The following MYO16 variants were observed in gnomAD, a reference collection of about 807,000 sequenced individuals.
MYO16 encodes the protein unconventional myosin-XVI.
Under a neutral mutation model 205.3 loss-of-function variants are expected in MYO16, and 94 were observed. The ratio of observed to expected loss-of-function variants is 0.46; its 90% CI spans 0.39 to 0.54. The LOEUF (loss-of-function observed/expected upper bound fraction) is 0.54. Among genes scored for constraint, MYO16 ranks in the 20% least tolerant of loss-of-function variants. The pLI, the probability that MYO16 is intolerant of heterozygous loss-of-function variation, is 0.00. For missense variants in MYO16, 2,315 were observed against 2,387.5 expected (o/e 0.97, Z 0.63); for synonymous variants, 988 against 954.0 (o/e 1.04, Z -0.66).
At chr13:108,631,523 A>G (rs567284820) in intron 1 of MYO16, among the ~76,000 whole-genome samples, 4 of 152,362 alleles carry the variant, frequency 2.6e-5, no homozygotes, top group African/African-American at 9.6e-5. Context: ...GAAATCTAAA[A>G]TTAATGAATT....
At chr13:109,004,604 G>A (rs1272188980) in intron 21 of MYO16, among the ~76,000 whole-genome samples, 2 of 152,114 alleles carry the variant, frequency 1.3e-5, no homozygotes, top group African/African-American at 4.8e-5. Context: ...ATAGTTGCAT[G>A]GAAAGTAGTT....
the MYO16 span, among the ~76,000 whole-genome samples, chr13:108,555,182 G>A: frequency 6.6e-6 from 1 of 152,104 alleles, no homozygotes; most frequent in Non-Finnish European, 1.5e-5. Flanking sequence ...TTGGGCAAAG[G>A]ACAGAAAGTA....
At chr13:109,017,124 A>C (rs547327302) in intron 22 of MYO16, among the ~76,000 whole-genome samples, 13 of 152,272 alleles carry the variant, frequency 8.5e-5, no homozygotes, top group African/African-American at 3.1e-4. Flanking sequence ...TTCCATGTTT[A>C]GTGCTTCCTT....
chr13:108,793,475 G>T (rs767036482), intron 5 of MYO16, 41 bp from the exon 6 acceptor site: 16 of 1,599,556 alleles, frequency 1.0e-5, no homozygotes, highest in Non-Finnish European at 1.4e-5. Context: ...GAACTGAGAA[G>T]TATCTCTCCA....
At chr13:109,090,098 T>C (rs1888571231) in intron 27 of MYO16, among the ~76,000 whole-genome samples, 1 of 152,218 alleles carries the variant, frequency 6.6e-6, no homozygotes, top group Non-Finnish European at 1.5e-5. Flanking sequence ...TAGCAGCCTG[T>C]TCTCCTTAGT....
At chr13:108,973,318 A>G (rs1884126031) in intron 20 of MYO16, among the ~76,000 whole-genome samples, 1 of 150,710 alleles carries the variant, frequency 6.6e-6, no homozygotes, top group Non-Finnish European at 1.5e-5. Context: ...AACAGATCCT[A>G]TACCAATGAA....
intron 4 of MYO16, among the ~76,000 whole-genome samples, chr13:108,773,558 T>C (rs2893329): frequency 0.34 from 50,914 of 151,912 alleles, 9,764 homozygotes; most frequent in East Asian, 0.64. Flanking sequence ...TGTGTGTCCA[T>C]TTTCAAATTT....
chr13:108,845,591 C>G (rs1397381545), intron 10 of MYO16, among the ~76,000 whole-genome samples: 2 of 152,192 alleles, frequency 1.3e-5, no homozygotes, highest in Non-Finnish European at 2.9e-5. Context: ...ACCTAAATCA[C>G]TTCCTTATAG....
intron 31 of MYO16, among the ~76,000 whole-genome samples, chr13:109,128,967 T>C (rs1256063055): frequency 6.6e-6 from 1 of 151,868 alleles, no homozygotes; most frequent in Non-Finnish European, 1.5e-5. Context: ...AGACAGGGTC[T>C]CACCATGTTG....
intron 34 of MYO16, among the ~76,000 whole-genome samples, chr13:109,189,582 C>A (rs1879825975): frequency 6.6e-6 from 1 of 152,178 alleles, no homozygotes; most frequent in Non-Finnish European, 1.5e-5. Context: ...CCTCTATCAC[C>A]CATCTTTACT....
chr13:109,090,645 A>G (rs1888591067), intron 27 of MYO16, among the ~76,000 whole-genome samples: 1 of 152,178 alleles, frequency 6.6e-6, no homozygotes, highest in South Asian at 2.1e-4. Flanking sequence ...GACAGACAGA[A>G]CTAAACTGCA....
the MYO16 span, among the ~76,000 whole-genome samples, chr13:108,544,727 C>A: frequency 6.6e-6 from 1 of 152,256 alleles, no homozygotes; most frequent in African/African-American, 2.4e-5. Context: ...TTAACCATTG[C>A]TAACTCCCAC....
intron 20 of MYO16, among the ~76,000 whole-genome samples, chr13:108,985,326 A>T (rs765565153): frequency 6.6e-6 from 1 of 152,222 alleles, no homozygotes; most frequent in Non-Finnish European, 1.5e-5. Context: ...TTGACAACAT[A>T]CATCAGCAGC....
chr13:108,664,739 T>C (rs1008996481), intron 1 of MYO16, among the ~76,000 whole-genome samples: 2 of 152,214 alleles, frequency 1.3e-5, no homozygotes, highest in South Asian at 4.1e-4. Flanking sequence ...TTTTTAATGC[T>C]TTAACATTGA....
At chr13:108,916,798 G>A (rs77739950) in intron 16 of MYO16, among the ~76,000 whole-genome samples, 1,708 of 152,288 alleles carry the variant, frequency 0.011, 33 homozygotes, top group Admixed American at 0.046. Flanking sequence ...TAAATCAGAA[G>A]CCAGATATGT....
chr13:108,597,929 G>A (rs938403214), intron 1 of MYO16, among the ~76,000 whole-genome samples: 1 of 152,184 alleles, frequency 6.6e-6, no homozygotes, highest in African/African-American at 2.4e-5. Context: ...AATAGAAAAA[G>A]ATAACTTTTC....
chr13:108,868,766 C>T (rs1878851584), intron 12 of MYO16, among the ~76,000 whole-genome samples: 1 of 151,636 alleles, frequency 6.6e-6, no homozygotes, highest in Admixed American at 6.6e-5. Context: ...ACTAAAAATA[C>T]AAAAATTAGC....
chr13:108,815,473 T>C (rs1462730323), intron 7 of MYO16, among the ~76,000 whole-genome samples: 3 of 152,018 alleles, frequency 2.0e-5, no homozygotes, highest in Non-Finnish European at 2.9e-5. Flanking sequence ...AGACATGCAA[T>C]ATTGCTGCTT....
intron 27 of MYO16, among the ~76,000 whole-genome samples, chr13:109,099,651 G>T (rs892925598): frequency 1.3e-5 from 2 of 152,106 alleles, no homozygotes; most frequent in African/African-American, 4.8e-5. Flanking sequence ...CCCAGCCTAT[G>T]TTACACACCA....
Sources: allele counts gnomAD v4.1 joint callset (sites outside exome capture counted in the v4.1 genomes callset), GRCh38; gene constraint gnomAD v4.1.1; transcripts MANE v1.5; gene names NCBI Gene and HGNC (gene_info 2026-07-23, HGNC 2026-07-21).